Variants in MINK1 observed in about 807,000 individuals in gnomAD.
MINK1 encodes misshapen like kinase 1, also known as misshapen-like kinase 1.
MINK1 carries 46 observed loss-of-function variants against 178.4 expected under a neutral mutation model. The ratio of observed to expected loss-of-function variants is 0.26; its 90% CI spans 0.20 to 0.33. The LOEUF is 0.33. MINK1 is among the 10% of genes least tolerant of loss of function. The probability of loss-of-function intolerance (pLI) is 1.00; values close to 1 mark genes in which losing one functional copy is unlikely to be tolerated. For synonymous variants in MINK1, 797 were observed against 709.7 expected (o/e 1.12, Z -1.96); for missense variants, 1,366 against 1,814.9 (o/e 0.75, Z 4.49).
rs912206568 is a variant in MINK1, at chr17:4,833,738, T to A, written c.57+98T>A. On this transcript the variant is annotated intron_variant, in intron 1 of 31. Transcript: ENST00000355280. This position sits in a 1 kb window ranked among gnomAD's most constrained non-coding sequence, Gnocchi z 4.8. Reference sequence around the variant, plus strand: ...GCCTCACGTGCTCCCGGGCGCCCCCTCCACCAGCTTGGGTCCCCTTGGCGA... The same window carrying A: ...GCCTCACGTGCTCCCGGGCGCCCCCACCACCAGCTTGGGTCCCCTTGGCGA... 1.9e-6 allele frequency: 2 copies of A among 1,052,450 alleles called. No homozygotes were observed. The highest frequency in any genetic ancestry group is 2.6e-6 in the Non-Finnish European group (2 of 773,692). 65.2% of individuals were successfully genotyped at this position (1,052,450 alleles called of 1,614,324 possible).
In MINK1 at chr17:4,867,805, G is replaced by A. The variant is rs916931279; in HGVS notation, c.58-10512G>A. Among the ~76,000 whole-genome samples, 24 of 150,620 alleles carry A rather than the reference G, an allele frequency of 1.6e-4. 1 individual carries two copies. The South Asian group carries it at 1.7e-3, about 11-fold the overall frequency. On this transcript the variant is annotated intron_variant, in intron 1 of 31. Transcript: ENST00000355280. ...CCAGCCTGGGTGACAGAGTGAGACT[G>A]TCTCCAAAAAAGAAAAAAAAAAGGA... is the stretch of plus-strand genomic sequence containing the variant.
In MINK1 at chr17:4,895,000, T is replaced by C; in HGVS notation, c.2918-75T>C. ...CGTATTATGAGGTGCCAAGACCTGA[T>C]ATAGGGGATGGAGGTAAAAAGAGAT... On this transcript the variant is annotated intron_variant, in intron 24 of 31. Transcript: ENST00000355280. This position sits in a 1 kb window ranked among gnomAD's most constrained non-coding sequence, Gnocchi z 4.1. The C allele has an allele frequency of 6.7e-7, 1 of 1,496,338 alleles. No homozygotes were observed. Among genetic ancestry groups the C allele is most frequent in the Non-Finnish European group, 9.2e-7 (1 of 1,091,672 alleles). 92.7% of individuals were successfully genotyped at this position (1,496,338 alleles called of 1,614,324 possible). A position where few individuals can be genotyped will look rare whatever the true frequency, so the allele number is the denominator to read the frequency against.
At position 4,894,929 on chromosome 17, in the gene MINK1, C is replaced by G; in HGVS notation, c.2918-146C>G. On this transcript the variant is annotated intron_variant, in intron 24 of 31. Transcript: ENST00000355280. The surrounding 1 kb of genome is among the most constrained non-coding windows in gnomAD (Gnocchi z 4.1). ...GACTCCAAGTCCAGCACTCTATCCC[C>G]CTCTCCCATGCACCTCCTCTCCTCC... 2.3e-6 allele frequency: 2 copies of G among 874,858 alleles called. No individual in the cohort carries two copies. The highest frequency in any genetic ancestry group is 3.5e-6 in the Non-Finnish European group (2 of 575,498). The allele number at this position is 874,858 out of a possible 1,614,324, so 54.2% of individuals were successfully genotyped here.
At position 4,895,163 on chromosome 17, in the gene MINK1, C is replaced by T; in HGVS notation, c.3006C>T (p.Thr1002=). The T allele has an allele frequency of 6.2e-7, 1 of 1,614,100 alleles. No individual in the cohort carries two copies. Among genetic ancestry groups the T allele is most frequent in the Non-Finnish European group, 8.5e-7 (1 of 1,180,024 alleles). ...TGGTCAACGTGAATCCCACCAACAC[C>T]CGGGCCCACAGTGAGACCCCTGAGA... ...GSVVNVNPTN[T]RAHSETPEIR... The change falls in exon 25 of 32, where the codon ACC becomes ACT. Residue 1002 remains threonine (T), a synonymous_variant. Transcript: ENST00000355280. The surrounding 1 kb of genome is among the most constrained non-coding windows in gnomAD (Gnocchi z 4.3).
Position 4,896,397 on chromosome 17 carries a change from A to C in MINK1, c.3616-32A>C, listed in dbSNP as rs754855037. The C allele has an allele frequency of 3.1e-6, 5 of 1,611,078 alleles. No individual in the cohort carries two copies. In the South Asian group the frequency reaches 4.4e-5, roughly 14 times the overall value. On this transcript the variant is annotated intron_variant, in intron 29 of 31. Transcript: ENST00000355280. This position sits in a 1 kb window ranked among gnomAD's most constrained non-coding sequence, Gnocchi z 4.6. ...GGATGGCCCAGTCTGGGCACCAGACACGGAGACTCTAGTCCCCCTCCTTCT... is the reference window on the plus strand; with the variant it reads ...GGATGGCCCAGTCTGGGCACCAGACCCGGAGACTCTAGTCCCCCTCCTTCT...
chr17:4,859,586 G>A lies in MINK1; in HGVS notation c.58-18731G>A, dbSNP rs192287941. ...ATGGATCACATGAGGTCAGGAGTTC[G>A]AGACCAGCCTGGCCAACATGGTGAA... On this transcript the variant is annotated intron_variant, in intron 1 of 31. Transcript: ENST00000355280. Among the ~76,000 whole-genome samples, 315 of 151,904 alleles carry A rather than the reference G, an allele frequency of 2.1e-3. 1 individual carries two copies. Among genetic ancestry groups the A allele is most frequent in the African/African-American group, 7.4e-3 (305 of 41,446 alleles).
In MINK1 at chr17:4,886,935, G is replaced by C. The variant is rs1968262116; in HGVS notation, c.950-175G>C. Among the ~76,000 whole-genome samples, 1 of 149,384 alleles carries C rather than the reference G, an allele frequency of 6.7e-6. No homozygotes were observed. The highest frequency in any genetic ancestry group is 6.6e-5 in the Admixed American group (1 of 15,112). The stretch of plus-strand genomic sequence containing the variant: ...TCAGCTGCCCTGGGACCCAGTCCCG[G>C]TCCTGTCCAGGCCCACACCTGAGAC... On this transcript the variant is annotated intron_variant, in intron 10 of 31. Coordinates refer to ENST00000355280, the MANE Select transcript of MINK1 (RefSeq NM_153827.5). This position sits in a 1 kb window ranked among gnomAD's most constrained non-coding sequence, Gnocchi z 6.1.
intron 1 of MINK1, among the ~76,000 whole-genome samples, chr17:4,876,932 A>G (rs1441794560): frequency 6.6e-6 from 1 of 151,966 alleles, no homozygotes; most frequent in Admixed American, 6.6e-5. Context: ...TACTAAAAAT[A>G]AAAAAAACTA....
In MINK1 at chr17:4,865,680, C is replaced by T. The variant is rs1486448764; in HGVS notation, c.58-12637C>T. Among the ~76,000 whole-genome samples the T allele has an allele frequency of 3.6e-5, 5 of 140,264 alleles. No homozygotes were observed. The East Asian group carries it at 6.3e-4, about 18-fold the overall frequency. 92.0% of individuals were successfully genotyped at this position (140,264 alleles called of 152,430 possible). ...GGAGGATCGCTTGAGCCCAGAAGTT[C>T]GAGACCAGCCTGATCAACACAGGGA... On this transcript the variant is annotated intron_variant, in intron 1 of 31. Transcript: ENST00000355280.
chr17:4,839,275 T>G (rs1186969518), intron 1 of MINK1, among the ~76,000 whole-genome samples: 1 of 152,166 alleles, frequency 6.6e-6, no homozygotes, highest in Non-Finnish European at 1.5e-5. Flanking sequence ...ACTGTTTTCC[T>G]CAATATCCTG....
rs1216623570 is a variant in MINK1, at chr17:4,890,165, C to T, written c.1348-352C>T. The T allele has an allele frequency of 2.8e-5, 24 of 872,648 alleles. No individual in the cohort carries two copies. In the East Asian group the frequency reaches 9.7e-4, roughly 35 times the overall value. The allele number at this position is 872,648 out of a possible 1,614,324, so 54.1% of individuals were successfully genotyped here. On this transcript the variant is annotated intron_variant, in intron 13 of 31. Transcript: ENST00000355280. ...TCTCCAACTCGCTGCTGCTGCCCTC[C>T]TCTGCCTCTTCCTCCTTCCCTGCCC...
intron 4 of MINK1, among the ~76,000 whole-genome samples, chr17:4,883,801 A>G (rs1388453480): frequency 6.6e-6 from 1 of 150,750 alleles, no homozygotes; most frequent in East Asian, 2.0e-4. Context: ...GCCTCCCAAA[A>G]TGCTGGGATT....
intron 1 of MINK1, among the ~76,000 whole-genome samples, chr17:4,867,920 T>A (rs1915278755): frequency 6.6e-6 from 1 of 152,112 alleles, no homozygotes; most frequent in Non-Finnish European, 1.5e-5. Flanking sequence ...AATTTGGGCA[T>A]CCATTACCTC....
chr17:4,887,228 G>A lies in MINK1; in HGVS notation c.1019+49G>A, dbSNP rs757543056. ...GGTTGGGGCGGTCATCGCTGAGTGG[G>A]GGGACTACAGTGGTGCTTGGCTTTG... On this transcript the variant is annotated intron_variant, in intron 11 of 31. Transcript: ENST00000355280. This position sits in a 1 kb window ranked among gnomAD's most constrained non-coding sequence, Gnocchi z 7.6. 2 of 1,529,556 alleles carry A rather than the reference G, an allele frequency of 1.3e-6. No homozygotes were observed. Among genetic ancestry groups the A allele is most frequent in the African/African-American group, 1.4e-5 (1 of 72,968 alleles). 94.7% of individuals were successfully genotyped at this position (1,529,556 alleles called of 1,614,324 possible).
intron 1 of MINK1, chr17:4,868,901 T>A: frequency 3.9e-6 from 1 of 258,346 alleles, no homozygotes; most frequent in South Asian, 3.1e-5. Flanking sequence ...AGGTGCACAC[T>A]GCCACACCTG....
chr17:4,878,523 G>A, intron 2 of MINK1, 141 bp downstream of exon 2: 1 of 741,226 alleles, frequency 1.3e-6, no homozygotes, highest in Non-Finnish European at 2.2e-6. Context: ...AAGGTAGAGT[G>A]GGGGAGAGGA....
chr17:4,878,319 C>T lies in MINK1; in HGVS notation c.60C>T (p.Asp20=), dbSNP rs1253485119. 1 of 1,537,366 alleles carries T rather than the reference C, an allele frequency of 6.5e-7. No individual in the cohort carries two copies. Among genetic ancestry groups the T allele is most frequent in the South Asian group, 1.2e-5 (1 of 84,082 alleles). ...ATTCTTCTGTCTCCTGCCCCTAGGA[C>T]CCTGCTGGGATCTTTGAGCTTGTGG... ...LDDIDLSALR[D]PAGIFELVEV... Residue 20 remains aspartate (D), a splice_region_variant and synonymous_variant, in exon 2 of 32, where the codon GAC becomes GAT. Coordinates refer to ENST00000355280, the MANE Select transcript of MINK1 (RefSeq NM_153827.5).
At chr17:4,844,090 C>T (rs1191671060) in intron 1 of MINK1, among the ~76,000 whole-genome samples, 2 of 152,160 alleles carry the variant, frequency 1.3e-5, no homozygotes, top group Non-Finnish European at 2.9e-5. Flanking sequence ...GCAACCTCCA[C>T]CTCCCAGGTT....
chr17:4,893,154 G>A (rs956703869), intron 20 of MINK1, 87 bp downstream of exon 20: 127 of 1,503,432 alleles, frequency 8.4e-5, no homozygotes, highest in Non-Finnish European at 9.8e-5. Flanking sequence ...TGGGGTCTCC[G>A]CTGATCTACC....
Sources: allele counts gnomAD v4.1 joint callset (sites outside exome capture counted in the v4.1 genomes callset), GRCh38; gene constraint gnomAD v4.1.1; non-coding constraint Gnocchi (gnomAD v3.1); transcripts MANE v1.5; gene names NCBI Gene and HGNC (gene_info 2026-07-23, HGNC 2026-07-21).